Variants in LTBP1 observed in about 807,000 individuals in gnomAD.
LTBP1 encodes latent-transforming growth factor beta-binding protein 1.
A neutral mutation model predicts 207.6 loss-of-function variants in LTBP1; 129 were observed. That is an observed-to-expected ratio of 0.62 (90% CI 0.54 to 0.72). The LOEUF (loss-of-function observed/expected upper bound fraction) is 0.72. Ranked by LOEUF, LTBP1 falls within the 30% of genes least tolerant of loss-of-function variation. The pLI is 0.00. For synonymous variants in LTBP1, 963 were observed against 833.7 expected (o/e 1.16, Z -2.67); for missense variants, 2,281 against 2,217.2 (o/e 1.03, Z -0.58).
At chr2:33,049,922 G>C (rs948598966) in intron 3 of LTBP1, among the ~76,000 whole-genome samples, 24 of 151,558 alleles carry the variant, frequency 1.6e-4, no homozygotes, top group Non-Finnish European at 3.2e-4. Flanking sequence ...GCTCACTGCA[G>C]CCTGGGACTC....
chr2:33,192,765 CT>C (rs2088051132), intron 7 of LTBP1, among the ~76,000 whole-genome samples: 1 of 152,128 alleles, frequency 6.6e-6, no homozygotes, highest in Admixed American at 6.5e-5. Flanking sequence ...TTATTTCTCA[CT>C]GTTTTAGAGG....
chr2:33,248,387 G>T (rs979745110), intron 10 of LTBP1, among the ~76,000 whole-genome samples: 3 of 152,110 alleles, frequency 2.0e-5, no homozygotes, highest in African/African-American at 7.2e-5. Context: ...AAAGGGTAGA[G>T]CCCAGATTTG....
At chr2:33,262,403 A>G (rs1558906589) in intron 13 of LTBP1, among the ~76,000 whole-genome samples, 1 of 152,120 alleles carries the variant, frequency 6.6e-6, no homozygotes, top group Non-Finnish European at 1.5e-5. Flanking sequence ...TTGCAGACCA[A>G]ATATGGACCC....
chr2:32,994,746 C>T (rs1037278339), intron 2 of LTBP1, among the ~76,000 whole-genome samples: 1 of 152,160 alleles, frequency 6.6e-6, no homozygotes, highest in African/African-American at 2.4e-5. Flanking sequence ...GGATTACAGG[C>T]GTGAGCCACC....
chr2:33,017,844 C>G (rs925639039), intron 2 of LTBP1, among the ~76,000 whole-genome samples: 1 of 152,152 alleles, frequency 6.6e-6, no homozygotes, highest in Non-Finnish European at 1.5e-5. Flanking sequence ...TCTCAATCTC[C>G]TGACCTTGTG....
At chr2:33,375,995 GT>G (rs2095135440) in intron 31 of LTBP1, among the ~76,000 whole-genome samples, 1 of 152,060 alleles carries the variant, frequency 6.6e-6, no homozygotes, top group African/African-American at 2.4e-5. Flanking sequence ...TTTGTTGACT[GT>G]TTATATGTCT....
chr2:32,969,325 A>G (rs183156732), intron 2 of LTBP1, among the ~76,000 whole-genome samples: 11 of 122,246 alleles, frequency 9.0e-5, no homozygotes, highest in African/African-American at 2.7e-4. Context: ...CAGGTTTGTT[A>G]TATAGGTAAA....
At chr2:33,359,604 C>T (rs1371024609) in intron 26 of LTBP1, among the ~76,000 whole-genome samples, 1 of 152,130 alleles carries the variant, frequency 6.6e-6, no homozygotes, top group Non-Finnish European at 1.5e-5. Context: ...GGCAATATTT[C>T]ATTAGAATTA....
At chr2:33,061,913 T>A (rs72793713) in intron 3 of LTBP1, among the ~76,000 whole-genome samples, 14,791 of 152,262 alleles carry the variant, frequency 0.097, 952 homozygotes, top group Non-Finnish European at 0.14. Context: ...TATCATTTTA[T>A]CTTTCTATTA....
At chr2:32,973,120 T>G (rs890167823) in intron 2 of LTBP1, among the ~76,000 whole-genome samples, 69 of 151,992 alleles carry the variant, frequency 4.5e-4, no homozygotes, top group Non-Finnish European at 8.5e-4. Flanking sequence ...TTCTGTTTTT[T>G]TTGTTGTTGA....
At chr2:33,301,220 C>T (rs1330887425) in intron 21 of LTBP1, among the ~76,000 whole-genome samples, 1 of 152,172 alleles carries the variant, frequency 6.6e-6, no homozygotes, top group East Asian at 1.9e-4. Flanking sequence ...ATGATCTCAC[C>T]TGTGTCAACC....
At chr2:33,137,506 AG>A (rs1245973514) in intron 5 of LTBP1, among the ~76,000 whole-genome samples, 2 of 152,244 alleles carry the variant, frequency 1.3e-5, no homozygotes, top group Non-Finnish European at 2.9e-5. Flanking sequence ...GTGTGAAAGC[AG>A]CCAGAGACAA....
chr2:32,976,072 G>GT (rs1170112914), intron 2 of LTBP1, among the ~76,000 whole-genome samples: 1 of 152,110 alleles, frequency 6.6e-6, no homozygotes, highest in Non-Finnish European at 1.5e-5. Flanking sequence ...CTCTGGATGA[G>GT]TTTTTTTGCT....
chr2:33,219,911 A>G (rs567913234), intron 8 of LTBP1, among the ~76,000 whole-genome samples: 1 of 151,920 alleles, frequency 6.6e-6, no homozygotes, highest in South Asian at 2.1e-4. Context: ...GTTTTTGTCT[A>G]GAATTGCGTC....
chr2:33,064,629 G>T (rs561207071), intron 3 of LTBP1, among the ~76,000 whole-genome samples: 44 of 152,168 alleles, frequency 2.9e-4, no homozygotes, highest in Non-Finnish European at 5.7e-4. Context: ...CCTAATCTTT[G>T]TGCCAGATGG....
intron 22 of LTBP1, among the ~76,000 whole-genome samples, chr2:33,305,724 C>A (rs1049807531): frequency 6.6e-6 from 1 of 152,080 alleles, no homozygotes; most frequent in Non-Finnish European, 1.5e-5. Context: ...ATCCCGGGCC[C>A]TCCAACATTT....
intron 3 of LTBP1, among the ~76,000 whole-genome samples, chr2:33,039,541 T>C (rs12463547): frequency 0.076 from 11,534 of 152,254 alleles, 867 homozygotes; most frequent in East Asian, 0.34. Context: ...TGCAGGGCAT[T>C]GCCAAATATA....
rs546407923 is a variant in LTBP1 at position 33,065,381 on chromosome 2, C to A, written c.863+44175C>A. Among the ~76,000 whole-genome samples the A allele has an allele frequency of 1.2e-4, 18 of 152,194 alleles. No homozygotes were observed. The East Asian group carries it at 3.5e-3, about 29-fold the overall frequency. ...CCATCCTGGGTAACACAATGAGACT[C>A]CATCTCTACAAAAAATAAAAATATT... On this transcript the variant is annotated intron_variant, in intron 3 of 33. Coordinates refer to ENST00000404816, the MANE Select transcript of LTBP1 (RefSeq NM_206943.4).
chr2:33,060,229 T>C (rs2077198282), intron 3 of LTBP1, among the ~76,000 whole-genome samples: 1 of 152,110 alleles, frequency 6.6e-6, no homozygotes, highest in South Asian at 2.1e-4. Context: ...ATTCCAAAAT[T>C]GTGTTAGAAG....
Sources: gnomAD v4.1 joint callset for allele counts (sites outside exome capture counted in the v4.1 genomes callset) on GRCh38, gnomAD v4.1.1 for gene constraint, MANE v1.5 for transcripts, NCBI Gene and HGNC (gene_info 2026-07-23, HGNC 2026-07-21) for gene names.